The following GULP1 variants were observed in gnomAD, a reference collection of about 807,000 sequenced individuals.
GULP1 encodes GULP PTB domain containing engulfment adaptor 1, also known as PTB domain-containing engulfment adapter protein 1.
Under a neutral mutation model 40.9 loss-of-function variants are expected in GULP1, and 19 were observed. The observed-to-expected ratio is 0.46, with a 90% CI of 0.32 to 0.68. The LOEUF is 0.68. GULP1 is among the 30% of genes least tolerant of loss of function. The pLI, the probability that GULP1 is intolerant of heterozygous loss-of-function variation, is 0.03. For synonymous variants in GULP1, 119 were observed against 117.6 expected (o/e 1.01, Z -0.08); for missense variants, 312 against 362.2 (o/e 0.86, Z 1.12).
chr2:188,345,774 G>A (rs981663006), intron 1 of GULP1, among the ~76,000 whole-genome samples: 5 of 152,148 alleles, frequency 3.3e-5, no homozygotes, highest in Admixed American at 6.5e-5. Flanking sequence ...CCATAAAGAG[G>A]GGTAGAAGTT....
chr2:188,396,507 C>G (rs1479812844), intron 2 of GULP1, among the ~76,000 whole-genome samples: 3 of 152,248 alleles, frequency 2.0e-5, no homozygotes, highest in Non-Finnish European at 2.9e-5. Flanking sequence ...GGTCTCACAT[C>G]TGCAGTGTTC....
chr2:188,558,612 T>C (rs369815141), intron 7 of GULP1, among the ~76,000 whole-genome samples: 2 of 152,002 alleles, frequency 1.3e-5, no homozygotes, highest in South Asian at 2.1e-4. Flanking sequence ...GTGGAACAGT[T>C]TGGAGGGCTC....
rs969858213 is a variant in GULP1 at position 188,292,831 on chromosome 2, C to T, written c.-172+665C>T. 6.6e-6 allele frequency: 1 copy of T among 152,266 alleles called. No individual in the cohort carries two copies. The highest frequency in any genetic ancestry group is 1.5e-5 in the Non-Finnish European group (1 of 68,468). 9.4% of individuals were successfully genotyped at this position (152,266 alleles called of 1,614,324 possible). ...TGCTGCGCGGGTCAAGTAGCTTCTT[C>T]TGGAGGGCGCAAGGCGCGGCGGGGG... On this transcript the variant is annotated intron_variant, in intron 1 of 11. Coordinates refer to ENST00000409830, the MANE Select transcript of GULP1 (RefSeq NM_016315.4). The surrounding 1 kb of genome is among the most constrained non-coding windows in gnomAD (Gnocchi z 4.0).
chr2:188,507,202 T>G (rs1268956169), intron 4 of GULP1, among the ~76,000 whole-genome samples: 2 of 151,876 alleles, frequency 1.3e-5, no homozygotes, highest in Non-Finnish European at 2.9e-5. Context: ...ACCTGCTTTA[T>G]AAAATGCTAT....
intron 2 of GULP1, among the ~76,000 whole-genome samples, chr2:188,474,401 C>T (rs2060836653): frequency 6.6e-6 from 1 of 152,144 alleles, no homozygotes; most frequent in South Asian, 2.1e-4. Context: ...CTTGTGGTAA[C>T]TAAAGTTTCG....
chr2:188,521,626 G>A (rs1263357827), intron 4 of GULP1, among the ~76,000 whole-genome samples: 1 of 152,098 alleles, frequency 6.6e-6, no homozygotes, highest in Non-Finnish European at 1.5e-5. Flanking sequence ...ACTATCATGA[G>A]ACCGGCATGG....
chr2:188,524,608 T>A (rs1027068655), intron 5 of GULP1, among the ~76,000 whole-genome samples: 13 of 150,082 alleles, frequency 8.7e-5, no homozygotes, highest in Middle Eastern at 3.4e-3. Context: ...ATATATATTT[T>A]TTTTTTGCTT....
At chr2:188,310,147 A>G (rs1325088761) in intron 1 of GULP1, among the ~76,000 whole-genome samples, 1 of 152,184 alleles carries the variant, frequency 6.6e-6, no homozygotes, top group Admixed American at 6.5e-5. Context: ...CCTCTGTTAG[A>G]GTTCTGTAGC....
At chr2:188,593,784 C>T (rs545222307) in intron 11 of GULP1, 156 bp from the exon 12 acceptor site, 3 of 570,994 alleles carry the variant, frequency 5.3e-6, no homozygotes, top group Admixed American at 2.9e-5. Flanking sequence ...TGCTATACAC[C>T]TATATAAAAA....
intron 2 of GULP1, among the ~76,000 whole-genome samples, chr2:188,419,207 G>C (rs945691678): frequency 6.6e-6 from 1 of 151,910 alleles, no homozygotes; most frequent in African/African-American, 2.4e-5. Flanking sequence ...CAATTATTTT[G>C]GATAAATATC....
At chr2:188,443,103 ATGG>A (rs1286289554) in intron 2 of GULP1, among the ~76,000 whole-genome samples, 1 of 149,690 alleles carries the variant, frequency 6.7e-6, no homozygotes, top group African/African-American at 2.4e-5. Flanking sequence ...GATTTGTATA[ATGG>A]TCTTGGGGAG....
intron 2 of GULP1, among the ~76,000 whole-genome samples, chr2:188,417,966 G>GT (rs1008864273): frequency 3.3e-5 from 5 of 150,664 alleles, no homozygotes; most frequent in South Asian, 2.1e-4. Context: ...ATTTTTTTTT[G>GT]TTTTTTTGTT....
At chr2:188,479,719 T>G (rs2061304889) in intron 3 of GULP1, among the ~76,000 whole-genome samples, 1 of 152,118 alleles carries the variant, frequency 6.6e-6, no homozygotes, top group African/African-American at 2.4e-5. Context: ...ACTTTAAAGT[T>G]GAAACTCCAC....
intron 1 of GULP1, among the ~76,000 whole-genome samples, chr2:188,317,445 A>G (rs1253804136): frequency 2.0e-5 from 3 of 152,146 alleles, no homozygotes; most frequent in Non-Finnish European, 4.4e-5. Context: ...CCAGAGAGAA[A>G]TATATTTAGT....
intron 4 of GULP1, among the ~76,000 whole-genome samples, chr2:188,505,975 A>T (rs2063867754): frequency 6.6e-6 from 1 of 151,894 alleles, no homozygotes; most frequent in South Asian, 2.1e-4. Flanking sequence ...TCTACATAGT[A>T]CAGTTACACT....
At chr2:188,396,513 T>C (rs2051297229) in intron 2 of GULP1, among the ~76,000 whole-genome samples, 1 of 152,230 alleles carries the variant, frequency 6.6e-6, no homozygotes, top group South Asian at 2.1e-4. Context: ...ACATCTGCAG[T>C]GTTCCACTAG....
rs779708990 is a variant in GULP1 at position 188,541,289 on chromosome 2, T to C, written c.370T>C (p.Leu124=). The change falls in exon 7 of 12, where the codon TTG becomes CTG. Residue 124 remains leucine, a synonymous_variant. Coordinates refer to ENST00000409830, the MANE Select transcript of GULP1 (RefSeq NM_016315.4). ...CAAAGATTCTGAGTCAAATAAACAT[T>C]TGTGCTATGTATTTGACAGCGAAAA... is the stretch of plus-strand genomic sequence containing the variant. ...ICKDSESNKH[L]CYVFDSEKCA... 5 of 1,612,826 alleles carry C rather than the reference T, an allele frequency of 3.1e-6. No individual in the cohort carries two copies. In the Admixed American group the frequency reaches 8.3e-5, roughly 27 times the overall value.
chr2:188,337,790 A>G (rs2152116223), intron 1 of GULP1, among the ~76,000 whole-genome samples: 1 of 152,118 alleles, frequency 6.6e-6, no homozygotes, highest in East Asian at 1.9e-4. Context: ...ATAAGTCTGT[A>G]ATATCCTTCC....
chr2:188,324,882 G>C (rs967143071), intron 1 of GULP1, among the ~76,000 whole-genome samples: 2 of 151,894 alleles, frequency 1.3e-5, no homozygotes, highest in African/African-American at 4.8e-5. Flanking sequence ...ATCTACAAAG[G>C]AAGAAGTATC....
Sources: gnomAD v4.1 joint callset for allele counts (sites outside exome capture counted in the v4.1 genomes callset) on GRCh38, gnomAD v4.1.1 for gene constraint, Gnocchi (gnomAD v3.1) non-coding constraint, MANE v1.5 for transcripts, NCBI Gene and HGNC (gene_info 2026-07-23, HGNC 2026-07-21) for gene names.